ZFP82: variants seen among roughly 807,000 people sequenced by gnomAD.
The protein encoded by ZFP82 is ZFP82 zinc finger protein, also known as zinc finger protein 82 homolog.
ZFP82 carries 30 observed loss-of-function variants against 54.0 expected under a neutral mutation model. The observed-to-expected ratio is 0.56, with a 90% CI of 0.42 to 0.75. The LOEUF is 0.75. Among genes scored for constraint, ZFP82 ranks in the 30% least tolerant of loss-of-function variants. ZFP82 has a pLI of 0.00. For synonymous variants in ZFP82, 194 were observed against 209.5 expected, an observed-to-expected ratio of 0.93 and a Z score of 0.64; for missense variants, 500 against 636.8, an observed-to-expected ratio of 0.79 and a Z score of 2.31.
intron 1 of ZFP82, among the ~76,000 whole-genome samples, chr19:36,414,630 G>A (rs575509553): frequency 6.6e-6 from 1 of 151,844 alleles, no homozygotes; most frequent in South Asian, 2.1e-4. Context: ...CCAAAGTCTT[G>A]GGATTATAGA....
chr19:36,399,834 C>G (rs879763870), intron 4 of ZFP82, among the ~76,000 whole-genome samples: 1 of 152,060 alleles, frequency 6.6e-6, no homozygotes, highest in Non-Finnish European at 1.5e-5. Flanking sequence ...GAAAACATAA[C>G]AATCAAGACG....
chr19:36,400,357 C>T (rs540752430), intron 4 of ZFP82, among the ~76,000 whole-genome samples: 66 of 152,206 alleles, frequency 4.3e-4, no homozygotes, highest in Non-Finnish European at 9.1e-4. Context: ...GATTTGGTTC[C>T]AGGGAAGTCC....
intron 1 of ZFP82, among the ~76,000 whole-genome samples, chr19:36,414,678 A>T (rs2032638869): frequency 6.6e-6 from 1 of 151,932 alleles, no homozygotes; most frequent in Non-Finnish European, 1.5e-5. Flanking sequence ...ATTCTTCTTA[A>T]TAATGTTATC....
intron 1 of ZFP82, among the ~76,000 whole-genome samples, chr19:36,411,001 T>A (rs151007300): frequency 0.017 from 2,628 of 152,092 alleles, 44 homozygotes; most frequent in African/African-American, 0.058. Context: ...GAGACCAGCC[T>A]GACCAACATG....
At position 36,392,161 on chromosome 19, in the gene ZFP82, G is replaced by A. The variant is rs2032209775; in HGVS notation, c.*580C>T. 1 of 152,596 alleles carries A rather than the reference G, an allele frequency of 6.6e-6. No individual in the cohort carries two copies. The highest frequency in any genetic ancestry group is 6.5e-5 in the Admixed American group (1 of 15,278). The allele number at this position is 152,596 out of a possible 1,614,324, so 9.5% of individuals were successfully genotyped here. On this transcript the variant is annotated 3_prime_UTR_variant, in exon 5 of 5. Transcript: ENST00000392161. ...CTGGTATCTTGGTGGATGTCAAGAA[G>A]ACAGGGTTCAGCAGGTGCCTCTCCC... is the stretch of plus-strand genomic sequence containing the variant.
downstream of ZFP82, chr19:36,383,835 T>C (rs1223479975): frequency 6.6e-6 from 1 of 152,182 alleles, no homozygotes; most frequent in Non-Finnish European, 1.5e-5. Context: ...TTTTTAAGAA[T>C]CTTATAATTC....
At chr19:36,388,586 T>C (rs2032142272), downstream of ZFP82, among the ~76,000 whole-genome samples, 1 of 152,134 alleles carries the variant, frequency 6.6e-6, no homozygotes, top group Non-Finnish European at 1.5e-5. Context: ...TATAGTAATA[T>C]GTAACTTAAA....
chr19:36,396,061 A>ATT (rs34319197), intron 4 of ZFP82: 1,666 of 136,786 alleles, frequency 0.012, 18 homozygotes, highest in Non-Finnish European at 0.017. Context: ...ACGCCTGGCT[A>ATT]TTTTTTTTTT....
At chr19:36,385,992 G>T (rs188300105), downstream of ZFP82, among the ~76,000 whole-genome samples, 267 of 152,340 alleles carry the variant, frequency 1.8e-3, no homozygotes, top group African/African-American at 6.0e-3. Context: ...TTTATGAAGT[G>T]AAAAGGTGTG....
At chr19:36,412,440 C>G (rs1050741915) in intron 1 of ZFP82, among the ~76,000 whole-genome samples, 3 of 152,182 alleles carry the variant, frequency 2.0e-5, no homozygotes, top group African/African-American at 4.8e-5. Flanking sequence ...ATCCTACAAG[C>G]AGCTTCTATG....
chr19:36,409,367 A>C (rs371609190), intron 2 of ZFP82, among the ~76,000 whole-genome samples: 35 of 152,074 alleles, frequency 2.3e-4, no homozygotes, highest in African/African-American at 7.7e-4. Flanking sequence ...TCCTGGGCTC[A>C]AACAATCCTC....
intron 1 of ZFP82, among the ~76,000 whole-genome samples, chr19:36,412,413 G>A (rs1042981531): frequency 6.6e-6 from 1 of 152,056 alleles, no homozygotes; most frequent in Non-Finnish European, 1.5e-5. Context: ...CCTTGAACTT[G>A]GAGAAAAAAA....
chr19:36,393,288 TGTC>T lies in ZFP82; in HGVS notation c.1049_1051del (p.Arg350del). 6.2e-7 allele frequency: 1 copy of T among 1,607,430 alleles called. No homozygotes were observed. Among genetic ancestry groups the T allele is most frequent in the Non-Finnish European group, 8.5e-7 (1 of 1,178,098 alleles). The stretch of plus-strand genomic sequence containing the variant: ...AATTCTCTGATGGAGTGTTAGTTGT[TGTC>T]GCACTCTAAAGGCCTTCCCGCATTC... On this transcript the variant is annotated inframe_deletion, in exon 5 of 5. Coordinates refer to ENST00000392161, the MANE Select transcript of ZFP82 (RefSeq NM_133466.4).
At chr19:36,384,254 T>C (rs1477198297), downstream of ZFP82, 2 of 152,124 alleles carry the variant, frequency 1.3e-5, no homozygotes, top group Non-Finnish European at 2.9e-5. Flanking sequence ...TAAATACATA[T>C]AATGTATATA....
downstream of ZFP82, among the ~76,000 whole-genome samples, chr19:36,386,791 G>C (rs577734228): frequency 3.3e-4 from 50 of 152,310 alleles, no homozygotes; most frequent in African/African-American, 1.2e-3. Context: ...ACAAAAATTA[G>C]CTGGGCATGG....
chr19:36,411,151 G>A (rs1028267178), intron 1 of ZFP82, among the ~76,000 whole-genome samples: 13 of 150,740 alleles, frequency 8.6e-5, no homozygotes, highest in African/African-American at 2.4e-4. Context: ...CCGAGATTGC[G>A]CCATTGCACC....
Position 36,416,737 on chromosome 19 carries a change from TA to T in ZFP82, c.-79+1754del, listed in dbSNP as rs555329330. 6.1e-5 allele frequency among the ~76,000 whole-genome samples: 5 copies of T among 82,102 alleles called. No individual in the cohort carries two copies. The South Asian group carries it at 1.9e-3, about 30-fold the overall frequency. The allele number at this position is 82,102 out of a possible 152,430, so 53.9% of individuals were successfully genotyped here. On this transcript the variant is annotated intron_variant, in intron 1 of 4. Transcript: ENST00000392161. ...CACCATTGCACTCCAGCCTGGGAAA[TA>T]AGAGCGAAACTCCGTCTCAAAAAAA... is the stretch of plus-strand genomic sequence containing the variant.
At chr19:36,399,062 G>A (rs1057167797) in intron 4 of ZFP82, among the ~76,000 whole-genome samples, 1 of 151,892 alleles carries the variant, frequency 6.6e-6, no homozygotes, top group African/African-American at 2.4e-5. Flanking sequence ...ATTATAAATG[G>A]CAACAAAATT....
intron 2 of ZFP82, among the ~76,000 whole-genome samples, chr19:36,408,978 C>G (rs1157968212): frequency 6.6e-6 from 1 of 152,214 alleles, no homozygotes; most frequent in East Asian, 1.9e-4. Context: ...ATTACCTTCT[C>G]ACATGCTATC....
Sources: gnomAD v4.1 joint callset for allele counts (sites outside exome capture counted in the v4.1 genomes callset) on GRCh38, gnomAD v4.1.1 for gene constraint, MANE v1.5 for transcripts, NCBI Gene and HGNC (gene_info 2026-07-23, HGNC 2026-07-21) for gene names.